RALYL: variants seen among roughly 807,000 people sequenced by gnomAD.
The protein encoded by RALYL is RALY RNA binding protein like, also known as RNA-binding Raly-like protein.
A neutral mutation model predicts 35.1 loss-of-function variants in RALYL; 29 were observed. The ratio of observed to expected loss-of-function variants is 0.83; its 90% confidence interval spans 0.61 to 1.13. The LOEUF (loss-of-function observed/expected upper bound fraction) is 1.13, where lower values mean the gene tolerates loss of function less well. Ranked by LOEUF, RALYL falls within the 50% of genes most tolerant of loss-of-function variation. The probability of loss-of-function intolerance (pLI) is 0.00; values close to 1 mark genes in which losing one functional copy is unlikely to be tolerated. For synonymous variants in RALYL, 120 were observed against 127.6 expected (o/e 0.94, Z 0.40); for missense variants, 359 against 360.4 (o/e 1.00, Z 0.03).
chr8:84,261,061 A>G (rs1162474945), intron 1 of RALYL, among the ~76,000 whole-genome samples: 2 of 149,352 alleles, frequency 1.3e-5, no homozygotes, highest in African/African-American at 2.5e-5. Flanking sequence ...ATGTTTAAAT[A>G]TGGTTTGTCC....
intron 1 of RALYL, among the ~76,000 whole-genome samples, chr8:84,409,805 A>T (rs890813299): frequency 1.1e-4 from 17 of 152,132 alleles, no homozygotes; most frequent in African/African-American, 3.6e-4. Flanking sequence ...GCACAAATCC[A>T]CTTTTTCTAA....
chr8:84,478,753 G>A (rs1394770058), intron 1 of RALYL, among the ~76,000 whole-genome samples: 2 of 151,716 alleles, frequency 1.3e-5, no homozygotes, highest in Non-Finnish European at 2.9e-5. Flanking sequence ...TTGCACAGAG[G>A]CTGTCTTCAG....
At chr8:84,398,042 G>A (rs966794561) in intron 1 of RALYL, among the ~76,000 whole-genome samples, 3 of 152,196 alleles carry the variant, frequency 2.0e-5, no homozygotes, top group African/African-American at 7.2e-5. Context: ...GGATTTAGAT[G>A]CAACAAGAAG....
intron 8 of RALYL, 89 bp downstream of exon 8, chr8:84,887,865 A>T (rs1286914015): frequency 1.6e-6 from 2 of 1,225,952 alleles, no homozygotes; most frequent in Non-Finnish European, 2.3e-6. Flanking sequence ...GGATTAAATC[A>T]TTTGGGGCTT....
At chr8:84,217,619 A>G (rs1253979016) in intron 1 of RALYL, among the ~76,000 whole-genome samples, 2 of 152,108 alleles carry the variant, frequency 1.3e-5, no homozygotes, top group Non-Finnish European at 2.9e-5. Context: ...ACTCATATAT[A>G]CGATTTTTTA....
At chr8:84,451,078 C>T (rs1326854694) in intron 1 of RALYL, among the ~76,000 whole-genome samples, 1 of 151,836 alleles carries the variant, frequency 6.6e-6, no homozygotes, top group African/African-American at 2.4e-5. Context: ...TAAGCATTTC[C>T]AATTTCTATT....
At position 84,370,618 on chromosome 8, in the gene RALYL, A is replaced by G. The variant is rs200710666; in HGVS notation, c.-23-158681A>G. ...AAAAGGAAAATACGAGAGCAGCAGA[A>G]AAAGGCAGTGTGCAGCAAGTGAATG... On this transcript the variant is annotated intron_variant, in intron 1 of 8. Transcript: ENST00000521268. Among the ~76,000 whole-genome samples the G allele has an allele frequency of 5.3e-5, 8 of 152,178 alleles. No individual in the cohort carries two copies. The East Asian group carries it at 9.7e-4, about 18-fold the overall frequency.
At chr8:84,889,212 C>A (rs1294823418) in intron 8 of RALYL, among the ~76,000 whole-genome samples, 1 of 152,152 alleles carries the variant, frequency 6.6e-6, no homozygotes, top group African/African-American at 2.4e-5. Context: ...GTCCCAGCTT[C>A]TCCTTAGGCA....
At chr8:84,740,116 A>G (rs1048317682) in intron 2 of RALYL, among the ~76,000 whole-genome samples, 1 of 152,014 alleles carries the variant, frequency 6.6e-6, no homozygotes, top group Non-Finnish European at 1.5e-5. Context: ...AATACTTATG[A>G]ACGAGCAGAT....
intron 2 of RALYL, among the ~76,000 whole-genome samples, chr8:84,536,916 A>T (rs756237525): frequency 2.0e-5 from 3 of 152,116 alleles, no homozygotes; most frequent in Non-Finnish European, 4.4e-5. Flanking sequence ...AATTTTTCTT[A>T]ACAACCTTTG....
intron 7 of RALYL, among the ~76,000 whole-genome samples, chr8:84,880,282 C>T (rs1368493148): frequency 6.6e-6 from 1 of 152,050 alleles, no homozygotes; most frequent in Non-Finnish European, 1.5e-5. Flanking sequence ...AGCAAACACT[C>T]TAAGGAAAGG....
At chr8:84,854,047 T>C in intron 5 of RALYL, among the ~76,000 whole-genome samples, 1 of 152,216 alleles carries the variant, frequency 6.6e-6, no homozygotes, top group East Asian at 1.9e-4. Context: ...CAGTTAACAG[T>C]AACCATTAAC....
At chr8:84,782,825 C>T (rs1309212785) in intron 3 of RALYL, among the ~76,000 whole-genome samples, 4 of 152,170 alleles carry the variant, frequency 2.6e-5, no homozygotes, top group Non-Finnish European at 2.9e-5. Flanking sequence ...AAGGGCAATG[C>T]CCTTGCTTGC....
rs545014140 is a variant in RALYL at position 84,715,771 on chromosome 8, T to G, written c.257-58808T>G. The stretch of plus-strand genomic sequence containing the variant: ...TTTGATTCATTTTCCTTTTTCTACT[T>G]ATTGATTTTCTTAGCACTATTTACT... On this transcript the variant is annotated intron_variant, in intron 2 of 8. Transcript: ENST00000521268. Among the ~76,000 whole-genome samples, 3 of 152,166 alleles carry G rather than the reference T, an allele frequency of 2.0e-5. No individual in the cohort carries two copies. In the South Asian group the frequency reaches 6.2e-4, roughly 32 times the overall value.
intron 2 of RALYL, among the ~76,000 whole-genome samples, chr8:84,610,975 T>G (rs1257171712): frequency 6.6e-6 from 1 of 152,140 alleles, no homozygotes; most frequent in Non-Finnish European, 1.5e-5. Context: ...CAGTATACAA[T>G]CAGCTATTTC....
intron 1 of RALYL, among the ~76,000 whole-genome samples, chr8:84,481,143 G>C (rs866690865): frequency 1.3e-5 from 2 of 152,104 alleles, no homozygotes; most frequent in African/African-American, 4.8e-5. Context: ...TAGGATCTGA[G>C]AACAGGTCAA....
intron 1 of RALYL, among the ~76,000 whole-genome samples, chr8:84,421,391 T>C: frequency 1.3e-5 from 1 of 76,602 alleles, no homozygotes; most frequent in East Asian, 3.6e-4. Flanking sequence ...TTTTGTACAT[T>C]GATTTTGTAT....
chr8:84,777,414 A>T (rs1020586671), intron 3 of RALYL, among the ~76,000 whole-genome samples: 2 of 152,222 alleles, frequency 1.3e-5, no homozygotes, highest in African/African-American at 4.8e-5. Context: ...TACATAAGAA[A>T]AAACAGATAT....
chr8:84,856,831 A>G (rs1441227613), intron 5 of RALYL, among the ~76,000 whole-genome samples: 2 of 151,426 alleles, frequency 1.3e-5, no homozygotes, highest in Non-Finnish European at 2.9e-5. Flanking sequence ...GATCGAGACC[A>G]TCCTGGCTAA....
Sources: gnomAD v4.1 joint callset for allele counts (sites outside exome capture counted in the v4.1 genomes callset) on GRCh38, gnomAD v4.1.1 for gene constraint, MANE v1.5 for transcripts, NCBI Gene and HGNC (gene_info 2026-07-23, HGNC 2026-07-21) for gene names.